The following NXN variants were observed in gnomAD, a reference collection of about 807,000 sequenced individuals.
The protein encoded by NXN is nucleoredoxin 1.
NXN carries 16 observed loss-of-function variants against 48.6 expected under a neutral mutation model. The observed-to-expected ratio is 0.33, with a 90% CI of 0.22 to 0.50. NXN has a LOEUF of 0.50. Among genes scored for constraint, NXN ranks in the 20% least tolerant of loss-of-function variants. The pLI is 0.98. For missense variants in NXN, 492 were observed against 605.5 expected (o/e 0.81, Z 1.97); for synonymous variants, 281 against 269.6 (o/e 1.04, Z -0.41).
intron 5 of NXN, among the ~76,000 whole-genome samples, chr17:811,945 T>C (rs1597617816): frequency 1.2e-5 from 1 of 82,568 alleles, no homozygotes; most frequent in African/African-American, 5.9e-5. Context: ...TTTTTTTTTT[T>C]GAGACGGAGT....
chr17:908,927 C>A (rs1039024134), intron 1 of NXN, among the ~76,000 whole-genome samples: 6 of 151,918 alleles, frequency 3.9e-5, no homozygotes, highest in Non-Finnish European at 8.8e-5. Context: ...CATGGTGAAA[C>A]CCCCGTCTCT....
rs544935102 is a variant in NXN, at chr17:915,401, C to T, written c.360+63918G>A. Among the ~76,000 whole-genome samples the T allele has an allele frequency of 1.7e-4, 26 of 152,150 alleles. No homozygotes were observed. The South Asian group carries it at 2.7e-3, about 16-fold the overall frequency. ...TGGGCTCAGACAATCCTCCTGCCTC[C>T]GCCTCCCAAGTAGCTGGGACTACGG... On this transcript the variant is annotated intron_variant, in intron 1 of 7. Transcript: ENST00000336868.
chr17:912,733 A>G (rs951273836), intron 1 of NXN, among the ~76,000 whole-genome samples: 6 of 152,078 alleles, frequency 3.9e-5, no homozygotes, highest in Non-Finnish European at 8.8e-5. Context: ...CGGGCGGATC[A>G]CCTGAGGTCA....
At chr17:802,957 G>A (rs1911283492) in intron 7 of NXN, among the ~76,000 whole-genome samples, 1 of 146,832 alleles carries the variant, frequency 6.8e-6, no homozygotes, top group South Asian at 2.3e-4. Flanking sequence ...GGTGGGGTGG[G>A]GAGGTGGCAG....
Position 825,699 on chromosome 17 carries a change from C to T in NXN, c.478+262G>A, listed in dbSNP as rs763330236. 7 of 378,034 alleles carry T rather than the reference C, an allele frequency of 1.9e-5. No homozygotes were observed. Among genetic ancestry groups the T allele is most frequent in the East Asian group, 5.0e-5 (1 of 19,896 alleles). 23.4% of individuals were successfully genotyped at this position (378,034 alleles called of 1,614,324 possible). On this transcript the variant is annotated intron_variant, in intron 2 of 7. Transcript: ENST00000336868. This position sits in a 1 kb window ranked among gnomAD's most constrained non-coding sequence, Gnocchi z 4.1. ...CCCACAGCCTCTGCGGCCCTCCAAGCGGAGCTTCTTACGGCAGAGTCCATC... is the reference window on the plus strand; with the variant it reads ...CCCACAGCCTCTGCGGCCCTCCAAGTGGAGCTTCTTACGGCAGAGTCCATC...
intron 1 of NXN, among the ~76,000 whole-genome samples, chr17:971,597 C>T (rs1377950629): frequency 2.6e-5 from 4 of 151,816 alleles, no homozygotes; most frequent in Non-Finnish European, 5.9e-5. Context: ...GTGGTCCCAG[C>T]TCCTCGGGAG....
intron 5 of NXN, among the ~76,000 whole-genome samples, chr17:807,903 T>C (rs1224959248): frequency 1.3e-5 from 2 of 152,198 alleles, no homozygotes; most frequent in Non-Finnish European, 2.9e-5. Flanking sequence ...ACGGCACAGA[T>C]GGCACTGGCT....
intron 1 of NXN, among the ~76,000 whole-genome samples, chr17:928,600 C>T (rs1347243564): frequency 2.6e-5 from 4 of 152,180 alleles, no homozygotes; most frequent in African/African-American, 4.8e-5. Context: ...CTTTGGGAAG[C>T]GGAGACAAGC....
At chr17:918,748 G>A (rs569303401) in intron 1 of NXN, among the ~76,000 whole-genome samples, 8 of 127,596 alleles carry the variant, frequency 6.3e-5, no homozygotes, top group South Asian at 2.8e-4. Flanking sequence ...AGCTGAGATC[G>A]CGCCACCGCA....
intron 1 of NXN, among the ~76,000 whole-genome samples, chr17:953,040 C>T (rs150751335): frequency 1.2e-3 from 178 of 152,242 alleles, no homozygotes; most frequent in African/African-American, 3.9e-3. Context: ...AAGACCACTT[C>T]AAGGTGGTCC....
chr17:820,414 G>C (rs622522), intron 4 of NXN, among the ~76,000 whole-genome samples: 1 of 151,342 alleles, frequency 6.6e-6, no homozygotes, highest in Non-Finnish European at 1.5e-5. Flanking sequence ...GATCGAGACC[G>C]TCCTGGCTAA....
rs1446499008 is a variant in NXN at position 831,066 on chromosome 17, G to A, written c.361-4988C>T. ...GTTACTCCAGAAAAGAAATTTGAGA[G>A]CGAAAACTGCAAGAACAATGTGCTT... On this transcript the variant is annotated intron_variant, in intron 1 of 7. Coordinates refer to ENST00000336868, the MANE Select transcript of NXN (RefSeq NM_022463.5). Among the ~76,000 whole-genome samples the A allele has an allele frequency of 5.9e-5, 9 of 151,354 alleles. No homozygotes were observed. In the South Asian group the frequency reaches 1.0e-3, roughly 17 times the overall value.
At chr17:874,427 T>C (rs956034817) in intron 1 of NXN, among the ~76,000 whole-genome samples, 3 of 151,882 alleles carry the variant, frequency 2.0e-5, no homozygotes, top group African/African-American at 4.8e-5. Flanking sequence ...CTGCTAAAAA[T>C]AAAAAAATTA....
Position 825,706 on chromosome 17 carries a change from T to C in NXN, c.478+255A>G. 2.5e-6 allele frequency: 1 copy of C among 401,528 alleles called. No homozygotes were observed. Among genetic ancestry groups the C allele is most frequent in the Non-Finnish European group, 4.4e-6 (1 of 225,132 alleles). The allele number at this position is 401,528 out of a possible 1,614,324, so 24.9% of individuals were successfully genotyped here. A position where few individuals can be genotyped will look rare whatever the true frequency, so the allele number is the denominator to read the frequency against. On this transcript the variant is annotated intron_variant, in intron 2 of 7. Coordinates refer to ENST00000336868, the MANE Select transcript of NXN (RefSeq NM_022463.5). The surrounding 1 kb of genome is among the most constrained non-coding windows in gnomAD (Gnocchi z 4.1). ...CCTCTGCGGCCCTCCAAGCGGAGCT[T>C]CTTACGGCAGAGTCCATCTCTTTTG... is the stretch of plus-strand genomic sequence containing the variant.
intron 1 of NXN, among the ~76,000 whole-genome samples, chr17:848,863 AC>A (rs1179722765): frequency 6.6e-6 from 1 of 152,176 alleles, no homozygotes; most frequent in Non-Finnish European, 1.5e-5. Context: ...GGTGGAGATG[AC>A]GGAGGTTTTT....
intron 1 of NXN, among the ~76,000 whole-genome samples, chr17:908,964 G>A (rs1212657042): frequency 1.3e-5 from 2 of 151,922 alleles, no homozygotes. Context: ...AAATTAGCCG[G>A]GTGTGGTGGC....
At chr17:841,475 AGCAGGTCCCCCCTGACCACGGC>A (rs1914238279) in intron 1 of NXN, among the ~76,000 whole-genome samples, 1 of 102,878 alleles carries the variant, frequency 9.7e-6, no homozygotes, top group Non-Finnish European at 2.1e-5. Flanking sequence ...CACACGGGCG[AGCAGGTCCCCCCTGACCACGGC>A]GCATCTCACA....
At chr17:918,665 C>T (rs1323532906) in intron 1 of NXN, among the ~76,000 whole-genome samples, 4 of 151,640 alleles carry the variant, frequency 2.6e-5, no homozygotes, top group Admixed American at 6.6e-5. Context: ...CGGTGGTGGG[C>T]GGCTGTAATC....
At chr17:818,245 G>A (rs916175611) in intron 5 of NXN, among the ~76,000 whole-genome samples, 3 of 151,736 alleles carry the variant, frequency 2.0e-5, no homozygotes, top group African/African-American at 4.8e-5. Flanking sequence ...TGGGCGACAC[G>A]GTGAGACCCT....
Sources: allele counts gnomAD v4.1 joint callset (sites outside exome capture counted in the v4.1 genomes callset), GRCh38; gene constraint gnomAD v4.1.1; non-coding constraint Gnocchi (gnomAD v3.1); transcripts MANE v1.5; gene names NCBI Gene and HGNC (gene_info 2026-07-23, HGNC 2026-07-21).